PPP2R5E: variants seen among roughly 807,000 people sequenced by gnomAD.
PPP2R5E encodes the protein serine/threonine-protein phosphatase 2A 56 kDa regulatory subunit epsilon isoform.
In PPP2R5E, 4 loss-of-function variants were observed where a neutral mutation model predicts 65.3. The ratio of observed to expected loss-of-function variants is 0.06; its 90% CI spans 0.03 to 0.14. The LOEUF is 0.14. Ranked by LOEUF, PPP2R5E falls within the 10% of genes least tolerant of loss-of-function variation. PPP2R5E has a pLI of 1.00. For synonymous variants in PPP2R5E, 183 were observed against 187.4 expected (o/e 0.98, Z 0.19); for missense variants, 274 against 556.1 (o/e 0.49, Z 5.10).
intron 5 of PPP2R5E, among the ~76,000 whole-genome samples, chr14:63,402,401 A>G (rs1885806240): frequency 6.6e-6 from 1 of 152,228 alleles, no homozygotes; most frequent in Admixed American, 6.5e-5. Flanking sequence ...GTAGACTAAC[A>G]TGTAATTATG....
intron 3 of PPP2R5E, among the ~76,000 whole-genome samples, chr14:63,436,114 G>A (rs368183909): frequency 6.6e-6 from 1 of 152,336 alleles, no homozygotes; most frequent in East Asian, 1.9e-4. Flanking sequence ...ACCATCTGGG[G>A]ACTGTGGGTC....
Position 63,430,346 on chromosome 14 carries a change from T to TATACATACATAC in PPP2R5E, c.355-8264_355-8253dup, listed in dbSNP as rs36182172. On this transcript the variant is annotated intron_variant, in intron 3 of 13. Coordinates refer to ENST00000337537, the MANE Select transcript of PPP2R5E (RefSeq NM_006246.5). The stretch of plus-strand genomic sequence containing the variant: ...GTGGCCACAATGGAGAAAACCCATG[T>TATACATACATAC]ATACATACATACATACATACATACA... Among the ~76,000 whole-genome samples the TATACATACATAC allele has an allele frequency of 7.5e-3, 1,018 of 135,214 alleles. 17 individuals are homozygous for TATACATACATAC. The highest frequency in any genetic ancestry group is 0.031 in the African/African-American group (977 of 31,092). 88.7% of individuals were successfully genotyped at this position (135,214 alleles called of 152,430 possible). A position where few individuals can be genotyped will look rare whatever the true frequency, so the allele number is the denominator to read the frequency against.
intron 2 of PPP2R5E, among the ~76,000 whole-genome samples, chr14:63,513,095 CTGTT>C (rs1173035456): frequency 1.4e-4 from 22 of 151,726 alleles, no homozygotes; most frequent in African/African-American, 7.3e-5. Flanking sequence ...GAAATAGAAA[CTGTT>C]TGGATGGTTA....
Position 63,524,754 on chromosome 14 carries a change from G to A in PPP2R5E, c.157+14775C>T, listed in dbSNP as rs542005251. ...CCCCGGCCTGGCCAGCCTTCTTGAG[G>A]AGCCCAGAGCCCACGGCCTGCCACA... On this transcript the variant is annotated intron_variant, in intron 2 of 13. Transcript: ENST00000337537. Among the ~76,000 whole-genome samples, 389 of 152,232 alleles carry A rather than the reference G, an allele frequency of 2.6e-3. 2 individuals are homozygous for A. The highest frequency in any genetic ancestry group is 8.3e-3 in the African/African-American group (346 of 41,526).
At chr14:63,509,493 C>T (rs1892365536) in intron 2 of PPP2R5E, among the ~76,000 whole-genome samples, 1 of 151,836 alleles carries the variant, frequency 6.6e-6, no homozygotes, top group South Asian at 2.1e-4. Context: ...AGGCTGGTTT[C>T]GAACTCCTGA....
intron 2 of PPP2R5E, among the ~76,000 whole-genome samples, chr14:63,478,399 A>G (rs545288624): frequency 1.3e-5 from 2 of 152,314 alleles, no homozygotes; most frequent in South Asian, 2.1e-4. Context: ...TTTCAATACA[A>G]TTGTAAATAT....
At chr14:63,515,794 C>G (rs1000397716) in intron 2 of PPP2R5E, among the ~76,000 whole-genome samples, 30 of 151,674 alleles carry the variant, frequency 2.0e-4, no homozygotes, top group African/African-American at 6.8e-4. Context: ...GCTGGGATTA[C>G]AGGTGTGAGC....
intron 2 of PPP2R5E, among the ~76,000 whole-genome samples, chr14:63,493,537 CT>C (rs1891393078): frequency 6.6e-6 from 1 of 151,836 alleles, no homozygotes; most frequent in Non-Finnish European, 1.5e-5. Context: ...AAAAGAACCC[CT>C]AGGTGAGAAT....
chr14:63,441,003 A>C (rs1425692251), intron 3 of PPP2R5E, among the ~76,000 whole-genome samples: 2 of 151,572 alleles, frequency 1.3e-5, no homozygotes, highest in Non-Finnish European at 2.9e-5. Context: ...CCAAGGTTCA[A>C]ATCTCAATCA....
At chr14:63,521,569 A>G (rs777344138) in intron 2 of PPP2R5E, among the ~76,000 whole-genome samples, 8 of 152,202 alleles carry the variant, frequency 5.3e-5, no homozygotes, top group African/African-American at 9.6e-5. Context: ...AGGCTGAGGC[A>G]GGAGAATCGC....
At chr14:63,405,246 T>A (rs1228996815) in intron 5 of PPP2R5E, among the ~76,000 whole-genome samples, 2 of 152,222 alleles carry the variant, frequency 1.3e-5, no homozygotes, top group African/African-American at 4.8e-5. Flanking sequence ...CTATAGGCTG[T>A]GAGAGAGAAA....
In PPP2R5E at chr14:63,430,385, A is replaced by G. The variant is rs1025371992; in HGVS notation, c.355-8291T>C. 1.5e-3 allele frequency among the ~76,000 whole-genome samples: 209 copies of G among 140,894 alleles called. 1 individual carries two copies. The highest frequency in any genetic ancestry group is 5.2e-3 in the African/African-American group (170 of 32,742). The allele number at this position is 140,894 out of a possible 152,430, so 92.4% of individuals were successfully genotyped here. A position where few individuals can be genotyped will look rare whatever the true frequency, so the allele number is the denominator to read the frequency against. ...TACATACATACATGCATGCATACAT[A>G]CATACATACATACATGCATACATAC... On this transcript the variant is annotated intron_variant, in intron 3 of 13. Transcript: ENST00000337537.
At chr14:63,382,371 A>C (rs1179148302) in intron 12 of PPP2R5E, among the ~76,000 whole-genome samples, 1 of 152,020 alleles carries the variant, frequency 6.6e-6, no homozygotes, top group Non-Finnish European at 1.5e-5. Context: ...TGGTAGAACT[A>C]GAAAAAAAAT....
At chr14:63,379,506 A>G (rs1004648581) in intron 13 of PPP2R5E, among the ~76,000 whole-genome samples, 9 of 152,246 alleles carry the variant, frequency 5.9e-5, no homozygotes, top group Admixed American at 2.0e-4. Flanking sequence ...TCCCAACCTC[A>G]GGTGATCCGC....
At chr14:63,495,305 T>C (rs1449319537) in intron 2 of PPP2R5E, among the ~76,000 whole-genome samples, 2 of 148,034 alleles carry the variant, frequency 1.4e-5, no homozygotes, top group Admixed American at 1.3e-4. Context: ...GGCACGGTGG[T>C]TCACGCCTGA....
rs764048030 is a variant in PPP2R5E at position 63,539,599 on chromosome 14, C to T, written c.87G>A (p.Arg29=). Residue 29 remains arginine (R), a synonymous_variant, in exon 2 of 14, where the codon AGG becomes AGA. Coordinates refer to ENST00000337537, the MANE Select transcript of PPP2R5E (RefSeq NM_006246.5). The part of the protein sequence containing the change: ...RKSVRKARQK[R]SQSSSQFRSQ... ...ACCTAAACTGTGAGGAACTTTGCGACCTCTTCTGTCTGGCTTTTCTGACGG... is the reference window on the plus strand; with the variant it reads ...ACCTAAACTGTGAGGAACTTTGCGATCTCTTCTGTCTGGCTTTTCTGACGG... 1 of 1,613,948 alleles carries T rather than the reference C, an allele frequency of 6.2e-7. No homozygotes were observed. The highest frequency in any genetic ancestry group is 8.5e-7 in the Non-Finnish European group (1 of 1,179,988).
At chr14:63,491,864 T>C (rs1236105497) in intron 2 of PPP2R5E, among the ~76,000 whole-genome samples, 1 of 152,090 alleles carries the variant, frequency 6.6e-6, no homozygotes, top group East Asian at 1.9e-4. Context: ...ATTAATTAAT[T>C]AATCAATTTC....
chr14:63,510,333 C>A (rs17766076), intron 2 of PPP2R5E, among the ~76,000 whole-genome samples: 7,304 of 152,292 alleles, frequency 0.048, 230 homozygotes, highest in Admixed American at 0.072. Flanking sequence ...GTGGCATACA[C>A]CCTGCACCAG....
chr14:63,435,454 C>G (rs181891791), intron 3 of PPP2R5E, among the ~76,000 whole-genome samples: 1 of 152,128 alleles, frequency 6.6e-6, no homozygotes, highest in Non-Finnish European at 1.5e-5. Context: ...CCTAAGACAA[C>G]AGCCCTCTGC....
Sources: allele counts gnomAD v4.1 joint callset (sites outside exome capture counted in the v4.1 genomes callset), GRCh38; gene constraint gnomAD v4.1.1; transcripts MANE v1.5; gene names NCBI Gene and HGNC (gene_info 2026-07-23, HGNC 2026-07-21).